Variants in ERGIC1 observed in about 807,000 individuals in gnomAD.
ERGIC1 encodes endoplasmic reticulum-Golgi intermediate compartment protein 1.
A neutral mutation model predicts 38.3 loss-of-function variants in ERGIC1; 19 were observed. The ratio of observed to expected loss-of-function variants is 0.50; its 90% confidence interval spans 0.35 to 0.73. The LOEUF (loss-of-function observed/expected upper bound fraction) is 0.73, where lower values mean the gene tolerates loss of function less well. Ranked by LOEUF, ERGIC1 falls within the 30% of genes least tolerant of loss-of-function variation. The pLI, the probability that ERGIC1 is intolerant of heterozygous loss-of-function variation, is 0.01. For missense variants in ERGIC1, 294 were observed against 389.2 expected, an observed-to-expected ratio of 0.76 and a Z score of 2.06; for synonymous variants, 124 against 157.6, an observed-to-expected ratio of 0.79 and a Z score of 1.60.
chr5:172,882,930 G>A (rs1025965762), intron 1 of ERGIC1, among the ~76,000 whole-genome samples: 1 of 152,098 alleles, frequency 6.6e-6, no homozygotes, highest in African/African-American at 2.4e-5. Flanking sequence ...TGGTGATGAT[G>A]ATGATGATGA....
chr5:172,873,714 G>C (rs1314533218), intron 1 of ERGIC1, among the ~76,000 whole-genome samples: 3 of 152,184 alleles, frequency 2.0e-5, no homozygotes, highest in Admixed American at 1.3e-4. Context: ...GTGAGCTTAG[G>C]CAAGTGGCTT....
intron 3 of ERGIC1, among the ~76,000 whole-genome samples, chr5:172,908,343 AG>A (rs1358975925): frequency 0.11 from 160 of 1,438 alleles, 2 homozygotes; most frequent in Non-Finnish European, 0.13. Context: ...GGGAGGGGGG[AG>A]GGGGGGGGTG....
intron 3 of ERGIC1, among the ~76,000 whole-genome samples, chr5:172,909,201 C>T (rs552613492): frequency 1.8e-5 from 2 of 111,920 alleles, no homozygotes; most frequent in East Asian, 5.1e-4. Context: ...CGGAGTTTCA[C>T]TCTTGTTGCC....
At chr5:172,920,492 G>A (rs930826530) in intron 5 of ERGIC1, 2 of 716,480 alleles carry the variant, frequency 2.8e-6, no homozygotes, top group Non-Finnish European at 5.2e-6. Flanking sequence ...GGGGTGAGGG[G>A]TATGGGGCCT....
chr5:172,873,071 C>T (rs1348754408), intron 1 of ERGIC1, among the ~76,000 whole-genome samples: 1 of 152,236 alleles, frequency 6.6e-6, no homozygotes, highest in African/African-American at 2.4e-5. Context: ...GCATGAGAAT[C>T]CAGTCCCCGG....
intron 2 of ERGIC1, among the ~76,000 whole-genome samples, chr5:172,895,519 GGCCCCA>G (rs1477679303): frequency 6.6e-6 from 1 of 152,104 alleles, no homozygotes; most frequent in Non-Finnish European, 1.5e-5. Context: ...ATACCTGTTA[GGCCCCA>G]GCCCCAGGCC....
chr5:172,900,550 T>A (rs1278957871), intron 3 of ERGIC1, among the ~76,000 whole-genome samples: 1 of 151,572 alleles, frequency 6.6e-6, no homozygotes, highest in African/African-American at 2.4e-5. Flanking sequence ...TGCAAAAAAA[T>A]TTTAAAAACA....
intron 1 of ERGIC1, among the ~76,000 whole-genome samples, chr5:172,858,463 C>A (rs2113084145): frequency 6.6e-6 from 1 of 152,304 alleles, no homozygotes; most frequent in South Asian, 2.1e-4. Context: ...GTCTGCGCAT[C>A]TGCACACTAG....
intron 1 of ERGIC1, among the ~76,000 whole-genome samples, chr5:172,854,526 A>G (rs1322435142): frequency 6.6e-6 from 1 of 152,146 alleles, no homozygotes; most frequent in Non-Finnish European, 1.5e-5. Flanking sequence ...TTCTGCAGGC[A>G]CCCCCACCCA....
chr5:172,854,660 G>A (rs774360601), intron 1 of ERGIC1, among the ~76,000 whole-genome samples: 4 of 152,252 alleles, frequency 2.6e-5, no homozygotes, highest in South Asian at 2.1e-4. Context: ...GGCCAGGGCC[G>A]GTTCCCGCCT....
chr5:172,934,274 C>G (rs1261870499), intron 8 of ERGIC1: 1 of 152,422 alleles, frequency 6.6e-6, no homozygotes, highest in African/African-American at 2.4e-5. Flanking sequence ...CCAGTTGTTG[C>G]AGACTTTAGC....
At chr5:172,894,210 T>G (rs1326382800) in intron 2 of ERGIC1, among the ~76,000 whole-genome samples, 4 of 141,308 alleles carry the variant, frequency 2.8e-5, no homozygotes, top group African/African-American at 1.0e-4. Context: ...TTTTTTTTTT[T>G]TTTGAGACGG....
intron 3 of ERGIC1, among the ~76,000 whole-genome samples, chr5:172,905,807 G>A (rs756001042): frequency 9.3e-4 from 141 of 152,200 alleles, no homozygotes; most frequent in Non-Finnish European, 9.7e-4. Flanking sequence ...ATACAAAGGA[G>A]GGACCAAAAG....
At chr5:172,867,097 T>C (rs1213546472) in intron 1 of ERGIC1, 4 of 442,716 alleles carry the variant, frequency 9.0e-6, no homozygotes, top group African/African-American at 2.0e-5. Flanking sequence ...TTGCAGACCT[T>C]GGCTTGGCTT....
At chr5:172,839,112 A>G (rs1392514720) in intron 1 of ERGIC1, among the ~76,000 whole-genome samples, 2 of 151,772 alleles carry the variant, frequency 1.3e-5, no homozygotes, top group African/African-American at 4.8e-5. Context: ...TTGATGGTAC[A>G]TACCTGTAAT....
intron 9 of ERGIC1, among the ~76,000 whole-genome samples, chr5:172,944,384 G>A (rs1764073711): frequency 1.3e-5 from 2 of 151,472 alleles, no homozygotes; most frequent in Admixed American, 6.6e-5. Context: ...CTGAGACGGA[G>A]TTTCACTCTT....
chr5:172,885,706 T>TCCTGCTGCCTCACTA (rs11283857), intron 1 of ERGIC1, among the ~76,000 whole-genome samples: 1 of 151,760 alleles, frequency 6.6e-6, no homozygotes, highest in African/African-American at 2.4e-5. Flanking sequence ...TGCAGCCCTT[T>TCCTGCTGCCTCACTA]CCTGCTGCTC....
At chr5:172,861,719 A>T (rs1761704462) in intron 1 of ERGIC1, among the ~76,000 whole-genome samples, 1 of 152,216 alleles carries the variant, frequency 6.6e-6, no homozygotes, top group Non-Finnish European at 1.5e-5. Context: ...GGCCTTGTTT[A>T]GACAAAGTGT....
Position 172,932,450 on chromosome 5 carries a change from G to A in ERGIC1, c.556G>A (p.Asp186Asn), listed in dbSNP as rs935573514. ...CCTTCCCGCAGCCCTGGCCTCCCACGACTACATCCTGAAGATTGTGCCCAC... is the reference window on the plus strand; with the variant it reads ...CCTTCCCGCAGCCCTGGCCTCCCACAACTACATCCTGAAGATTGTGCCCAC... ...RLTSNPLASH[D>N]YILKIVPTVY... The change falls in exon 8 of 10, where the codon GAC (aspartate) becomes AAC (asparagine). Residue 186 changes from aspartate to asparagine, a missense_variant. Coordinates refer to ENST00000393784, the MANE Select transcript of ERGIC1 (RefSeq NM_001031711.3). 9 of 1,614,002 alleles carry A rather than the reference G, an allele frequency of 5.6e-6. No individual in the cohort carries two copies. The highest frequency in any genetic ancestry group is 7.6e-6 in the Non-Finnish European group (9 of 1,180,016).
Sources: gnomAD v4.1 joint callset for allele counts (sites outside exome capture counted in the v4.1 genomes callset) on GRCh38, gnomAD v4.1.1 for gene constraint, MANE v1.5 for transcripts, NCBI Gene and HGNC (gene_info 2026-07-23, HGNC 2026-07-21) for gene names.